The following MBNL1 variants were observed in gnomAD, a reference collection of about 807,000 sequenced individuals.
MBNL1 encodes muscleblind-like protein 1.
In MBNL1, 8 loss-of-function variants were observed where a neutral mutation model predicts 42.2. That is an observed-to-expected ratio of 0.19 (90% CI 0.11 to 0.34). The LOEUF (loss-of-function observed/expected upper bound fraction) is 0.34. Ranked by LOEUF, MBNL1 falls within the 10% of genes least tolerant of loss-of-function variation. MBNL1 has a pLI of 1.00. For missense variants in MBNL1, 309 were observed against 495.3 expected (o/e 0.62, Z 3.57); for synonymous variants, 169 against 173.9 (o/e 0.97, Z 0.22).
chr3:152,315,874 T>A (rs1217492893), intron 2 of MBNL1, among the ~76,000 whole-genome samples: 38 of 150,398 alleles, frequency 2.5e-4, no homozygotes, highest in Non-Finnish European at 4.0e-4. Flanking sequence ...ACACTCTCTC[T>A]CTCTCTCTCT....
intron 2 of MBNL1, chr3:152,396,199 A>G: frequency 2.7e-6 from 1 of 365,662 alleles, no homozygotes; most frequent in Non-Finnish European, 5.6e-6. Flanking sequence ...AAACAAGCTC[A>G]GGGCTCCCAC....
In MBNL1 at chr3:152,324,432, A is replaced by G. The variant is rs542376401; in HGVS notation, c.174+24065A>G. 2.0e-5 allele frequency among the ~76,000 whole-genome samples: 3 copies of G among 152,270 alleles called. No homozygotes were observed. The South Asian group carries it at 6.2e-4, about 32-fold the overall frequency. On this transcript the variant is annotated intron_variant, in intron 2 of 9. Coordinates refer to ENST00000324210, the MANE Select transcript of MBNL1 (RefSeq NM_021038.5). ...GCCTGTATAGCTTGTTGAAGGTTAC[A>G]GGCAGTGGAGTGCTGGAACTGGTTT...
At chr3:152,394,307 AAG>A (rs1158384202) in intron 2 of MBNL1, among the ~76,000 whole-genome samples, 31 of 152,264 alleles carry the variant, frequency 2.0e-4, no homozygotes, top group African/African-American at 7.2e-4. Context: ...ATACAGTGAG[AAG>A]AGTCTTTCAC....
rs374374891 is a variant in MBNL1 at position 152,309,138 on chromosome 3, C to A, written c.174+8771C>A. The stretch of plus-strand genomic sequence containing the variant: ...GAAATGGCTCTGGTGGTTTATCTTT[C>A]CTTTTTCCCCTTCCCTCTCTCTCAC... On this transcript the variant is annotated intron_variant, in intron 2 of 9. Coordinates refer to ENST00000324210, the MANE Select transcript of MBNL1 (RefSeq NM_021038.5). Among the ~76,000 whole-genome samples, 46 of 152,194 alleles carry A rather than the reference C, an allele frequency of 3.0e-4. No individual in the cohort carries two copies. The East Asian group carries it at 4.6e-3, about 15-fold the overall frequency.
chr3:152,392,664 A>G (rs1169106036), intron 2 of MBNL1, among the ~76,000 whole-genome samples: 3 of 152,238 alleles, frequency 2.0e-5, no homozygotes, highest in African/African-American at 7.2e-5. Context: ...AAAATTATGT[A>G]ATAGCCTTAA....
intron 8 of MBNL1, among the ~76,000 whole-genome samples, chr3:152,457,486 A>G (rs1404137903): frequency 2.0e-5 from 3 of 152,264 alleles, no homozygotes; most frequent in Non-Finnish European, 4.4e-5. Context: ...TTGATGAAGA[A>G]CATTCAGCTA....
At chr3:152,420,343 C>T (rs113847514) in intron 3 of MBNL1, among the ~76,000 whole-genome samples, 148 of 152,254 alleles carry the variant, frequency 9.7e-4, no homozygotes, top group African/African-American at 3.4e-3. Context: ...CAGCAGGGAT[C>T]GAAAGACACT....
chr3:152,451,233 C>T (rs549529734), intron 6 of MBNL1, among the ~76,000 whole-genome samples: 4 of 151,962 alleles, frequency 2.6e-5, no homozygotes, highest in African/African-American at 2.4e-5. Context: ...CAGGTGGCTG[C>T]GTATAGAGTA....
chr3:152,440,578 A>T (rs1160063019), intron 4 of MBNL1, among the ~76,000 whole-genome samples: 1 of 152,218 alleles, frequency 6.6e-6, no homozygotes, highest in Non-Finnish European at 1.5e-5. Flanking sequence ...AACATGTGGG[A>T]ATTCAAGATG....
At chr3:152,340,672 G>A (rs769755729) in intron 2 of MBNL1, 12 of 1,613,962 alleles carry the variant, frequency 7.4e-6, no homozygotes, top group Admixed American at 5.0e-5. Context: ...AATCTTATTC[G>A]CATAATACCT....
intron 1 of MBNL1, among the ~76,000 whole-genome samples, chr3:152,271,848 T>G (rs1372385313): frequency 1.3e-5 from 2 of 152,206 alleles, no homozygotes; most frequent in Non-Finnish European, 1.5e-5. Context: ...CACATGTGGC[T>G]GTTGAGCACT....
At chr3:152,319,606 T>C (rs946613272) in intron 2 of MBNL1, among the ~76,000 whole-genome samples, 8 of 137,700 alleles carry the variant, frequency 5.8e-5, no homozygotes, top group Admixed American at 2.4e-4. Context: ...GCATTAAAGT[T>C]CTATACTGTT....
chr3:152,340,451 A>G, intron 2 of MBNL1: 5 of 1,492,962 alleles, frequency 3.3e-6, no homozygotes, highest in Non-Finnish European at 4.5e-6. Context: ...TTTTTTTTTA[A>G]GTAAAATATC....
intron 1 of MBNL1, among the ~76,000 whole-genome samples, chr3:152,283,717 G>A (rs2049895775): frequency 6.6e-6 from 1 of 152,142 alleles, no homozygotes; most frequent in Non-Finnish European, 1.5e-5. Context: ...AAGTTCCAGG[G>A]TCATCTTCTG....
At chr3:152,316,796 C>T (rs1184569191) in intron 2 of MBNL1, among the ~76,000 whole-genome samples, 1 of 152,166 alleles carries the variant, frequency 6.6e-6, no homozygotes, top group African/African-American at 2.4e-5. Context: ...GAAATTTTCA[C>T]ATGCTCCAGA....
intron 2 of MBNL1, among the ~76,000 whole-genome samples, chr3:152,312,391 C>T (rs893169864): frequency 3.9e-5 from 6 of 151,972 alleles, no homozygotes; most frequent in African/African-American, 7.3e-5. Context: ...TGTGTTTTGG[C>T]GATTTTCATG....
At chr3:152,357,178 T>C (rs2095589299) in intron 2 of MBNL1, among the ~76,000 whole-genome samples, 1 of 152,188 alleles carries the variant, frequency 6.6e-6, no homozygotes, top group Non-Finnish European at 1.5e-5. Flanking sequence ...CAGAGAGAAC[T>C]TCAAGAATGG....
chr3:152,432,861 C>T lies in MBNL1; in HGVS notation c.490C>T (p.Pro164Ser). 1 of 1,614,044 alleles carries T rather than the reference C, an allele frequency of 6.2e-7. No individual in the cohort carries two copies. The highest frequency in any genetic ancestry group is 8.5e-7 in the Non-Finnish European group (1 of 1,179,972). ...GTTGGTTACAGGGAATCCGGGTGTC[C>T]CTGTACCTGCAGCTGCTGCAGCTGC... ...PMLVTGNPGV[P>S]VPAAAAAAAQ... Residue 164 changes from proline (P) to serine (S), a missense_variant, in exon 4 of 10, where the codon CCT becomes TCT. By Grantham distance (74) the Pro-to-Ser change is moderately conservative. Coordinates refer to ENST00000324210, the MANE Select transcript of MBNL1 (RefSeq NM_021038.5).
rs115202501 is a variant in MBNL1, at chr3:152,315,932, C to G, written c.174+15565C>G. 8.2e-3 allele frequency among the ~76,000 whole-genome samples: 1,243 copies of G among 152,014 alleles called. 11 individuals carry two copies. The highest frequency in any genetic ancestry group is 0.012 in the Non-Finnish European group (836 of 67,978). On this transcript the variant is annotated intron_variant, in intron 2 of 9. Coordinates refer to ENST00000324210, the MANE Select transcript of MBNL1 (RefSeq NM_021038.5). ...ACATATGCGCGCGCACACACCCACA[C>G]GTCTTATGGAAATATTAAATCAGGA... is the stretch of plus-strand genomic sequence containing the variant.
Sources: allele counts gnomAD v4.1 joint callset (sites outside exome capture counted in the v4.1 genomes callset), GRCh38; gene constraint gnomAD v4.1.1; transcripts MANE v1.5; gene names NCBI Gene and HGNC (gene_info 2026-07-23, HGNC 2026-07-21).